Variants in DNAH7 observed in about 807,000 individuals in gnomAD.
DNAH7 encodes dynein axonemal heavy chain 7.
DNAH7 carries 397 observed loss-of-function variants against 444.6 expected under a neutral mutation model. The observed-to-expected ratio is 0.89, with a 90% confidence interval of 0.82 to 0.97. The LOEUF is 0.97. DNAH7 is among the 50% of genes least tolerant of loss of function. The pLI is 0.00. For missense variants in DNAH7, 4,902 were observed against 4,800.8 expected, an observed-to-expected ratio of 1.02 and a Z score of -0.62; for synonymous variants, 1,636 against 1,624.4, an observed-to-expected ratio of 1.01 and a Z score of -0.17.
intron 48 of DNAH7, among the ~76,000 whole-genome samples, chr2:195,830,286 A>AT (rs1697998686): frequency 6.6e-6 from 1 of 152,240 alleles, no homozygotes; most frequent in Non-Finnish European, 1.5e-5. Flanking sequence ...AAGGCAGATC[A>AT]TCATCTCACT....
In DNAH7 at chr2:195,809,739, A is replaced by G; in HGVS notation, c.9888+6T>C. 6.3e-7 allele frequency: 1 copy of G among 1,576,682 alleles called. No homozygotes were observed. Among genetic ancestry groups the G allele is most frequent in the African/African-American group, 1.4e-5 (1 of 73,424 alleles). ...TTTTTTTCTTACAAATGAAAACAGTACTGACCGCCCGCTCATGCAGCAGTA... is the reference window on the plus strand; with the variant it reads ...TTTTTTTCTTACAAATGAAAACAGTGCTGACCGCCCGCTCATGCAGCAGTA... On this transcript the variant is annotated splice_donor_region_variant and intron_variant, in intron 52 of 64. Coordinates refer to ENST00000312428, the MANE Select transcript of DNAH7 (RefSeq NM_018897.3).
At chr2:196,017,111 T>G (rs892105988) in intron 9 of DNAH7, among the ~76,000 whole-genome samples, 2 of 152,110 alleles carry the variant, frequency 1.3e-5, no homozygotes, top group African/African-American at 4.8e-5. Context: ...TGCCTTTTGG[T>G]TCAAGTTATT....
At position 195,816,574 on chromosome 2, in the gene DNAH7, T is replaced by C. The variant is rs1274780368; in HGVS notation, c.9761+54A>G. ...GACAACAATAGAGGTCACAAATTAC[T>C]CTCTGATTTCATGCATTAATTAGTT... On this transcript the variant is annotated intron_variant, in intron 51 of 64. Coordinates refer to ENST00000312428, the MANE Select transcript of DNAH7 (RefSeq NM_018897.3). 1.1e-5 allele frequency: 14 copies of C among 1,313,640 alleles called. No homozygotes were observed. The Admixed American group carries it at 2.9e-4, about 28-fold the overall frequency. 81.4% of individuals were successfully genotyped at this position (1,313,640 alleles called of 1,614,324 possible).
At chr2:195,865,677 CA>C (rs1279237814) in intron 40 of DNAH7, among the ~76,000 whole-genome samples, 1 of 152,044 alleles carries the variant, frequency 6.6e-6, no homozygotes, top group Non-Finnish European at 1.5e-5. Context: ...AAGTGTGTCC[CA>C]GGGGTACAGT....
At chr2:195,819,844 G>A (rs1457884265) in intron 49 of DNAH7, among the ~76,000 whole-genome samples, 4 of 152,198 alleles carry the variant, frequency 2.6e-5, no homozygotes, top group African/African-American at 9.6e-5. Flanking sequence ...GGAATATACT[G>A]TGAAATTTAA....
At chr2:195,987,807 A>T in intron 13 of DNAH7, 150 bp downstream of exon 13, 1 of 774,524 alleles carries the variant, frequency 1.3e-6, no homozygotes, top group Non-Finnish European at 2.0e-6. Flanking sequence ...AGGGCTTACC[A>T]CAATGCTAGG....
chr2:196,001,327 A>G (rs951940254), intron 11 of DNAH7, among the ~76,000 whole-genome samples: 2 of 151,992 alleles, frequency 1.3e-5, no homozygotes, highest in African/African-American at 4.8e-5. Flanking sequence ...TCTTATCTCT[A>G]GTCATGACAA....
chr2:195,945,557 C>T (rs1431513599), intron 19 of DNAH7, among the ~76,000 whole-genome samples: 1 of 152,170 alleles, frequency 6.6e-6, no homozygotes, highest in Non-Finnish European at 1.5e-5. Flanking sequence ...GTGTATCTAA[C>T]TGACAAGATC....
At chr2:195,779,868 G>A (rs1309651805) in intron 58 of DNAH7, among the ~76,000 whole-genome samples, 3 of 152,128 alleles carry the variant, frequency 2.0e-5, no homozygotes, top group African/African-American at 7.2e-5. Flanking sequence ...GCCTCCCAAA[G>A]TGCTGGGATT....
chr2:196,041,586 A>G (rs1302013877), intron 5 of DNAH7, among the ~76,000 whole-genome samples: 1 of 152,098 alleles, frequency 6.6e-6, no homozygotes, highest in Non-Finnish European at 1.5e-5. Context: ...TAAATCTAAG[A>G]CCTGAAACTA....
intron 10 of DNAH7, among the ~76,000 whole-genome samples, chr2:196,008,615 T>C (rs1694530206): frequency 6.6e-6 from 1 of 152,228 alleles, no homozygotes; most frequent in Non-Finnish European, 1.5e-5. Context: ...AGATATGACA[T>C]ATTGATACAT....
intron 48 of DNAH7, among the ~76,000 whole-genome samples, chr2:195,829,784 C>G (rs1050929334): frequency 8.6e-5 from 13 of 151,878 alleles, no homozygotes; most frequent in Non-Finnish European, 1.6e-4. Flanking sequence ...TTAAATATTA[C>G]AGACTTGATT....
At chr2:195,905,763 C>A (rs1686977450) in intron 27 of DNAH7, 1 of 151,648 alleles carries the variant, frequency 6.6e-6, no homozygotes, top group Non-Finnish European at 1.5e-5. Flanking sequence ...CTGGTCAATT[C>A]AAGAAAGTGT....
At chr2:195,794,288 A>C in intron 57 of DNAH7, 50 bp downstream of exon 57, 1 of 1,581,606 alleles carries the variant, frequency 6.3e-7, no homozygotes, top group Non-Finnish European at 8.7e-7. Flanking sequence ...ACCAGGGGCC[A>C]CTTGAAGTGC....
chr2:195,791,421 G>A (rs1695875663), intron 57 of DNAH7, among the ~76,000 whole-genome samples: 1 of 151,572 alleles, frequency 6.6e-6, no homozygotes, highest in Non-Finnish European at 1.5e-5. Flanking sequence ...TGCTGGTGAG[G>A]CTGCAGAGAA....
intron 12 of DNAH7, among the ~76,000 whole-genome samples, chr2:195,999,506 G>T (rs2125680906): frequency 6.6e-6 from 1 of 152,110 alleles, no homozygotes; most frequent in East Asian, 1.9e-4. Context: ...TAATAATAAA[G>T]GAAAAATACC....
intron 63 of DNAH7, among the ~76,000 whole-genome samples, chr2:195,744,874 T>A (rs11894127): frequency 6.6e-6 from 1 of 151,800 alleles, no homozygotes; most frequent in Non-Finnish European, 1.5e-5. Context: ...TCATCAAAGA[T>A]CAAAAGTAGA....
chr2:195,834,686 T>C (rs77938096), intron 47 of DNAH7, among the ~76,000 whole-genome samples: 2,975 of 152,350 alleles, frequency 0.02, 46 homozygotes, highest in Non-Finnish European at 0.03. Flanking sequence ...TCAAGAGGAC[T>C]GCGTTGGAAA....
chr2:196,033,052 G>A (rs554074189), intron 5 of DNAH7, among the ~76,000 whole-genome samples: 2 of 152,090 alleles, frequency 1.3e-5, no homozygotes, highest in South Asian at 4.1e-4. Context: ...CAAAAATCCA[G>A]GATTCATTCA....
Sources: allele counts gnomAD v4.1 joint callset (sites outside exome capture counted in the v4.1 genomes callset), GRCh38; gene constraint gnomAD v4.1.1; transcripts MANE v1.5; gene names NCBI Gene and HGNC (gene_info 2026-07-23, HGNC 2026-07-21).